The following PDE6A variants were observed in gnomAD, a reference collection of about 807,000 sequenced individuals.
The protein encoded by PDE6A is phosphodiesterase 6A, also known as rod cGMP-specific 3',5'-cyclic phosphodiesterase subunit alpha.
Under a neutral mutation model 106.3 loss-of-function variants are expected in PDE6A, and 84 were observed. The observed-to-expected ratio is 0.79, with a 90% CI of 0.66 to 0.95. The LOEUF (loss-of-function observed/expected upper bound fraction) is 0.95. Among genes scored for constraint, PDE6A ranks in the 40% least tolerant of loss-of-function variants. PDE6A has a pLI of 0.00. For missense variants in PDE6A, 1,052 were observed against 1,084.9 expected (o/e 0.97, Z 0.43); for synonymous variants, 394 against 386.6 (o/e 1.02, Z -0.23).
Position 149,886,275 on chromosome 5 carries a change from A to G in PDE6A, c.1828T>C (p.Tyr610His). 6 of 1,611,616 alleles carry G rather than the reference A, an allele frequency of 3.7e-6. No individual in the cohort carries two copies. The highest frequency in any genetic ancestry group is 5.1e-6 in the Non-Finnish European group (6 of 1,177,672). The change falls in exon 14 of 22, where the codon TAC (tyrosine) becomes CAC (histidine). Residue 610 changes from tyrosine to histidine, a missense_variant. Coordinates refer to ENST00000255266, the MANE Select transcript of PDE6A (RefSeq NM_000440.3). ...GGGAGGCTGACTCACTTCATCTGGTAGAGGTTATTGGTGCCTCTGTGGTCA... is the reference window on the plus strand; with the variant it reads ...GGGAGGCTGACTCACTTCATCTGGTGGAGGTTATTGGTGCCTCTGTGGTCA... Reference protein sequence around the residue: ...DIDHRGTNNLYQMKSQNPLAK... With the variant: ...DIDHRGTNNLHQMKSQNPLAK...
chr5:149,885,407 C>T (rs1189330228), intron 14 of PDE6A, among the ~76,000 whole-genome samples: 3 of 152,348 alleles, frequency 2.0e-5, no homozygotes, highest in East Asian at 3.9e-4. Flanking sequence ...ACATTAGCCC[C>T]TGCTCTGCCC....
At chr5:149,917,529 T>C (rs1753592076) in intron 5 of PDE6A, among the ~76,000 whole-genome samples, 1 of 152,106 alleles carries the variant, frequency 6.6e-6, no homozygotes, top group Admixed American at 6.5e-5. Context: ...AAGCCTAGCA[T>C]TGGCGGCAGC....
intron 5 of PDE6A, among the ~76,000 whole-genome samples, chr5:149,920,236 A>G (rs1753663410): frequency 6.6e-6 from 1 of 152,188 alleles, no homozygotes; most frequent in Non-Finnish European, 1.5e-5. Context: ...TTAAATGCCT[A>G]GAGAGGTTGA....
At chr5:149,871,431 G>A (rs1760546522) in intron 17 of PDE6A, among the ~76,000 whole-genome samples, 1 of 152,160 alleles carries the variant, frequency 6.6e-6, no homozygotes, top group South Asian at 2.1e-4. Flanking sequence ...GGTCTGGGAG[G>A]TCAGGGAGGG....
intron 18 of PDE6A, 140 bp from the exon 19 acceptor site, chr5:149,867,939 T>C: frequency 9.0e-7 from 1 of 1,105,914 alleles, no homozygotes; most frequent in Non-Finnish European, 1.4e-6. Flanking sequence ...TTTGCTGTCA[T>C]CACTGGAGAG....
rs367796771 is a variant in PDE6A at position 149,886,389 on chromosome 5, A to G, written c.1729-15T>C. 3.1e-6 allele frequency: 5 copies of G among 1,594,606 alleles called. No homozygotes were observed. The highest frequency in any genetic ancestry group is 1.1e-5 in the South Asian group (1 of 90,622). ...AGCTTTCCCGTCTGGAAGGGCAATC[A>G]GAGTGCAAATCATTCCTTTTGTGTA... On this transcript the variant is annotated splice_polypyrimidine_tract_variant and intron_variant, in intron 13 of 21. Coordinates refer to ENST00000255266, the MANE Select transcript of PDE6A (RefSeq NM_000440.3).
chr5:149,896,825 C>A, intron 10 of PDE6A, 49 bp from the exon 11 acceptor site: 1 of 1,592,858 alleles, frequency 6.3e-7, no homozygotes, highest in South Asian at 1.1e-5. Flanking sequence ...TACAACATGC[C>A]TCCGCGTTTC....
chr5:149,884,338 A>G (rs1761054955), intron 16 of PDE6A, 141 bp downstream of exon 16: 2 of 640,528 alleles, frequency 3.1e-6, no homozygotes, highest in East Asian at 5.8e-5. Flanking sequence ...ATATATGTAT[A>G]TATATGTGTG....
chr5:149,884,433 T>C (rs777699457), intron 16 of PDE6A, 46 bp downstream of exon 16: 3 of 1,181,888 alleles, frequency 2.5e-6, no homozygotes, highest in East Asian at 2.3e-5. Context: ...TATGCATACA[T>C]ATAATCATTG....
chr5:149,940,305 A>G (rs1754292392), intron 1 of PDE6A, among the ~76,000 whole-genome samples: 3 of 152,188 alleles, frequency 2.0e-5, no homozygotes, highest in African/African-American at 4.8e-5. Flanking sequence ...AGTTGAAGGG[A>G]GAATAGACTC....
At chr5:149,919,257 A>G (rs755051697) in intron 5 of PDE6A, among the ~76,000 whole-genome samples, 1 of 152,170 alleles carries the variant, frequency 6.6e-6, no homozygotes, top group Non-Finnish European at 1.5e-5. Flanking sequence ...CTGTAATCCT[A>G]GCACTTTGGG....
intron 20 of PDE6A, among the ~76,000 whole-genome samples, chr5:149,864,307 C>T (rs1454838574): frequency 6.6e-6 from 1 of 151,844 alleles, no homozygotes; most frequent in African/African-American, 2.4e-5. Context: ...GGTGCAATCT[C>T]GGCTCACTGC....
chr5:149,865,195 G>A (rs1246135465), intron 20 of PDE6A, among the ~76,000 whole-genome samples: 3 of 145,848 alleles, frequency 2.1e-5, no homozygotes, highest in Non-Finnish European at 4.5e-5. Context: ...AGCTGAGATC[G>A]CACCACTGCA....
chr5:149,908,081 T>A (rs910778988), intron 6 of PDE6A, among the ~76,000 whole-genome samples: 1 of 152,224 alleles, frequency 6.6e-6, no homozygotes, highest in African/African-American at 2.4e-5. Flanking sequence ...CCTGTACCTG[T>A]TAGTTTAATT....
At chr5:149,912,398 A>T (rs1241152684) in intron 6 of PDE6A, among the ~76,000 whole-genome samples, 1 of 152,176 alleles carries the variant, frequency 6.6e-6, no homozygotes, top group East Asian at 1.9e-4. Flanking sequence ...GCCATTCTGC[A>T]TGTTTACAGA....
intron 10 of PDE6A, among the ~76,000 whole-genome samples, chr5:149,897,464 G>A (rs996505157): frequency 2.0e-5 from 3 of 152,196 alleles, no homozygotes; most frequent in Non-Finnish European, 4.4e-5. Context: ...AAACCATGAG[G>A]CAATTTATTT....
intron 17 of PDE6A, among the ~76,000 whole-genome samples, chr5:149,879,428 T>TA (rs769743477): frequency 6.9e-6 from 1 of 143,898 alleles, no homozygotes; most frequent in African/African-American, 2.6e-5. Flanking sequence ...GTTTTTTTTT[T>TA]ATTATTGTTA....
At chr5:149,901,321 G>A (rs1752970817) in intron 8 of PDE6A, among the ~76,000 whole-genome samples, 1 of 152,102 alleles carries the variant, frequency 6.6e-6, no homozygotes, top group Non-Finnish European at 1.5e-5. Flanking sequence ...CTGAGGTCGG[G>A]AGTTCAAGAC....
rs1752876086 is a variant in PDE6A at position 149,899,310 on chromosome 5, AC to A, written c.1263+64del. On this transcript the variant is annotated intron_variant, in intron 9 of 21. Transcript: ENST00000255266. ...CTGCCCCATGTGATAGCGCAGTGAC[AC>A]CCAGCCTCCCCCAGCAAGCTGACTC... The A allele has an allele frequency of 1.9e-6, 3 of 1,563,374 alleles. No homozygotes were observed. In the South Asian group the frequency reaches 3.3e-5, roughly 17 times the overall value.
Sources: allele counts gnomAD v4.1 joint callset (sites outside exome capture counted in the v4.1 genomes callset), GRCh38; gene constraint gnomAD v4.1.1; transcripts MANE v1.5; gene names NCBI Gene and HGNC (gene_info 2026-07-23, HGNC 2026-07-21).